The following PCNX3 variants were observed in gnomAD, a reference collection of about 807,000 sequenced individuals.
PCNX3 encodes pecanex-like protein 3.
PCNX3 carries 58 observed loss-of-function variants against 207.2 expected under a neutral mutation model. The observed-to-expected ratio is 0.28, with a 90% CI of 0.23 to 0.35. The LOEUF (loss-of-function observed/expected upper bound fraction) is 0.35. Ranked by LOEUF, PCNX3 falls within the 10% of genes least tolerant of loss-of-function variation. The pLI, the probability that PCNX3 is intolerant of heterozygous loss-of-function variation, is 1.00. For missense variants in PCNX3, 2,410 were observed against 2,774.4 expected (o/e 0.87, Z 2.95); for synonymous variants, 1,337 against 1,183.5 (o/e 1.13, Z -2.66).
In PCNX3 at chr11:65,633,665, A is replaced by T. The variant is rs183284439; in HGVS notation, c.4471-461A>T. Among the ~76,000 whole-genome samples, 113 of 152,298 alleles carry T rather than the reference A, an allele frequency of 7.4e-4. 2 individuals are homozygous for T. The highest frequency in any genetic ancestry group is 7.3e-3 in the Admixed American group (111 of 15,284). On this transcript the variant is annotated intron_variant, in intron 27 of 34. Transcript: ENST00000355703. Reference sequence around the variant, plus strand: ...GGCACTGAAGGTTCACCTGAGGGCCACACCATAGTGTCGGGGCCAGCCAGA... The same window carrying T: ...GGCACTGAAGGTTCACCTGAGGGCCTCACCATAGTGTCGGGGCCAGCCAGA...
At chr11:65,624,732 C>A (rs1855291544) in intron 15 of PCNX3, among the ~76,000 whole-genome samples, 151 bp downstream of exon 15, 1 of 152,234 alleles carries the variant, frequency 6.6e-6, no homozygotes, top group Non-Finnish European at 1.5e-5. Flanking sequence ...TCCTTCCCTC[C>A]CCAGGCAAGT....
chr11:65,625,383 C>T lies in PCNX3; in HGVS notation c.3030-22C>T, dbSNP rs750908857. 8.7e-6 allele frequency: 14 copies of T among 1,600,130 alleles called. No individual in the cohort carries two copies. Among genetic ancestry groups the T allele is most frequent in the Non-Finnish European group, 1.2e-5 (14 of 1,176,944 alleles). On this transcript the variant is annotated intron_variant, in intron 17 of 34. Coordinates refer to ENST00000355703, the MANE Select transcript of PCNX3 (RefSeq NM_032223.4). The surrounding 1 kb of genome is among the most constrained non-coding windows in gnomAD (Gnocchi z 5.6). ...CGGGGGGAAGGAGGGGCGGCCTCCT[C>T]CTGACTCTTCCTCACCCCCAGGTCT...
chr11:65,624,725 T>G (rs1276302152), intron 15 of PCNX3, 144 bp downstream of exon 15: 3 of 931,966 alleles, frequency 3.2e-6, no homozygotes, highest in East Asian at 2.6e-5. Context: ...TCCCCTCTCC[T>G]TCCCTCCCCA....
At position 65,618,893 on chromosome 11, in the gene PCNX3, G is replaced by A. The variant is rs777716214; in HGVS notation, c.1531G>A (p.Gly511Ser). 7 of 1,609,976 alleles carry A rather than the reference G, an allele frequency of 4.3e-6. No homozygotes were observed. The highest frequency in any genetic ancestry group is 5.9e-6 in the Non-Finnish European group (7 of 1,178,912). Reference sequence around the variant, plus strand: ...TGTGCTGAGCATGGATGGGGCTGGGGGTGATGTTCTGAGGCCCCCACTGGC... The same window carrying A: ...TGTGCTGAGCATGGATGGGGCTGGGAGTGATGTTCTGAGGCCCCCACTGGC... ...ARVLSMDGAG[G>S]DVLRPPLAGC... is the part of the protein sequence containing the mutation. Residue 511 changes from glycine to serine, a missense_variant, in exon 6 of 35, where the codon GGT (glycine) becomes AGT (serine). By Grantham distance (56) the Gly-to-Ser change is moderately conservative. Transcript: ENST00000355703.
chr11:65,616,827 C>G lies in PCNX3; in HGVS notation c.157C>G (p.Leu53Val). 1 of 1,610,300 alleles carries G rather than the reference C, an allele frequency of 6.2e-7. No homozygotes were observed. The highest frequency in any genetic ancestry group is 8.5e-7 in the Non-Finnish European group (1 of 1,177,110). The change falls in exon 2 of 35, where the codon CTG becomes GTG. Residue 53 changes from leucine to valine, a missense_variant. Leu to Val is a conservative substitution (Grantham distance 32). This residue lies in a region of PCNX3 where 1,104 missense variants were observed against 970.3 expected (regional missense o/e 1.14). Coordinates refer to ENST00000355703, the MANE Select transcript of PCNX3 (RefSeq NM_032223.4). ...LIFPFLLYMV[L>V]PPSLMVAGVY... ...CCTGGCTTACTTTCATCTTCAGGTC[C>G]TGCCTCCCAGCTTGATGGTGGCCGG... is the stretch of plus-strand genomic sequence containing the variant.
chr11:65,617,445 C>G (rs1476103815), intron 3 of PCNX3, 25 bp from the exon 4 acceptor site: 2 of 1,613,886 alleles, frequency 1.2e-6, no homozygotes. Context: ...CTTGTTTGTT[C>G]CTTCATGGCT....
At position 65,629,502 on chromosome 11, in the gene PCNX3, G is replaced by A. The variant is rs780821835; in HGVS notation, c.4001-18G>A. On this transcript the variant is annotated intron_variant, in intron 25 of 34. Transcript: ENST00000355703. ...AACTTGTCACTTTGTCCATTTGCCCGTCTGTTCTGGGTCTTAGGCGCTGAT... is the reference window on the plus strand; with the variant it reads ...AACTTGTCACTTTGTCCATTTGCCCATCTGTTCTGGGTCTTAGGCGCTGAT... 66 of 1,613,058 alleles carry A rather than the reference G, an allele frequency of 4.1e-5. No individual in the cohort carries two copies. Among genetic ancestry groups the A allele is most frequent in the Admixed American group, 8.3e-5 (5 of 59,914 alleles).
In PCNX3 at chr11:65,619,025, G is replaced by C. The variant is rs1452950814; in HGVS notation, c.1663G>C (p.Gly555Arg). 6.3e-7 allele frequency: 1 copy of C among 1,594,368 alleles called. No individual in the cohort carries two copies. Among genetic ancestry groups the C allele is most frequent in the Admixed American group, 1.7e-5 (1 of 59,378 alleles). ...ARRGPAANQP[G>R]WRGELQEEGA... ...AAGGGGACCCGCTGCCAACCAGCCC[G>C]GCTGGCGGGGGGAGCTGCAGGAGGA... is the stretch of plus-strand genomic sequence containing the variant. The change falls in exon 6 of 35, where the codon GGC becomes CGC. Residue 555 changes from glycine to arginine, a missense_variant. Transcript: ENST00000355703.
At position 65,635,885 on chromosome 11, in the gene PCNX3, C is replaced by G. The variant is rs1169995951; in HGVS notation, c.5459+82C>G. The G allele has an allele frequency of 6.8e-7, 1 of 1,475,802 alleles. No homozygotes were observed. The highest frequency in any genetic ancestry group is 1.4e-5 in the African/African-American group (1 of 71,694). 91.4% of individuals were successfully genotyped at this position (1,475,802 alleles called of 1,614,324 possible). A position where few individuals can be genotyped will look rare whatever the true frequency, so the allele number is the denominator to read the frequency against. On this transcript the variant is annotated intron_variant, in intron 32 of 34. Transcript: ENST00000355703. The surrounding 1 kb of genome is among the most constrained non-coding windows in gnomAD (Gnocchi z 9.9). ...TCCCTCCTGGGTCTCAGAGGGAGGA[C>G]GTGCTGGAGCCAGGGCTTGAATCCC...
At chr11:65,619,970 C>T (rs748208718) in intron 8 of PCNX3, 38 bp downstream of exon 8, 18 of 1,555,408 alleles carry the variant, frequency 1.2e-5, no homozygotes, top group South Asian at 2.4e-5. Context: ...AGTGCCTCCC[C>T]GCCTTCCCCC....
Position 65,616,833 on chromosome 11 carries a change from C to G in PCNX3, c.163C>G (p.Pro55Ala), listed in dbSNP as rs1854759180. 6.2e-7 allele frequency: 1 copy of G among 1,611,304 alleles called. No homozygotes were observed. Among genetic ancestry groups the G allele is most frequent in the Admixed American group, 1.7e-5 (1 of 59,946 alleles). The change falls in exon 2 of 35, where the codon CCC becomes GCC. Residue 55 changes from proline (P) to alanine (A), a missense_variant. Pro to Ala is a conservative substitution (Grantham distance 27). This residue lies in a region of PCNX3 where 1,104 missense variants were observed against 970.3 expected (regional missense o/e 1.14). Transcript: ENST00000355703. ...TTACTTTCATCTTCAGGTCCTGCCT[C>G]CCAGCTTGATGGTGGCCGGCGTGTA... ...FPFLLYMVLP[P>A]SLMVAGVYCL...
Position 65,618,670 on chromosome 11 carries a change from C to T in PCNX3, c.1308C>T (p.Leu436=). ...GTGAACTGAGCCCGGCCTCCAGTCT[C>T]CGATCGCAGCGCCGCTACAGTACTG... ...EGSELSPASS[L]RSQRRYSTDS... is the part of the protein sequence containing the mutation. The change falls in exon 6 of 35, where the codon CTC becomes CTT. Residue 436 remains leucine (L), a synonymous_variant. Transcript: ENST00000355703. 9 of 1,613,338 alleles carry T rather than the reference C, an allele frequency of 5.6e-6. No homozygotes were observed. The highest frequency in any genetic ancestry group is 7.6e-6 in the Non-Finnish European group (9 of 1,179,852).
At chr11:65,623,017 G>A (rs1018592932) in intron 11 of PCNX3, among the ~76,000 whole-genome samples, 1 of 151,910 alleles carries the variant, frequency 6.6e-6, no homozygotes, top group Admixed American at 6.6e-5. Flanking sequence ...GGGACACAGA[G>A]TCCCAGAAAA....
Position 65,636,997 on chromosome 11 carries a change from G to T in PCNX3, c.*19G>T. ...GTACTGAGCTACCTGGCGCCCACTGGACCACCTCCTAGGATTCAGTAACGG... is the reference window on the plus strand; with the variant it reads ...GTACTGAGCTACCTGGCGCCCACTGTACCACCTCCTAGGATTCAGTAACGG... On this transcript the variant is annotated 3_prime_UTR_variant, in exon 35 of 35. Coordinates refer to ENST00000355703, the MANE Select transcript of PCNX3 (RefSeq NM_032223.4). The T allele has an allele frequency of 6.4e-7, 1 of 1,557,352 alleles. No individual in the cohort carries two copies. Among genetic ancestry groups the T allele is most frequent in the Non-Finnish European group, 8.7e-7 (1 of 1,154,820 alleles).
In PCNX3 at chr11:65,618,132, C is replaced by A; in HGVS notation, c.770C>A (p.Thr257Asn). 2.5e-6 allele frequency: 4 copies of A among 1,610,634 alleles called. No homozygotes were observed. The highest frequency in any genetic ancestry group is 3.4e-6 in the Non-Finnish European group (4 of 1,178,482). The change falls in exon 6 of 35, where the codon ACC becomes AAC. Residue 257 changes from threonine (T) to asparagine (N), a missense_variant. Thr to Asn is a moderately conservative substitution (Grantham distance 65). This residue lies in a region of PCNX3 where 1,104 missense variants were observed against 970.3 expected (regional missense o/e 1.14). Coordinates refer to ENST00000355703, the MANE Select transcript of PCNX3 (RefSeq NM_032223.4). Reference protein sequence around the residue: ...QELSKSFLTLTQPDRALVRTS... With the variant: ...QELSKSFLTLNQPDRALVRTS... ...CTGAGCAAGAGCTTCCTGACCCTGA[C>A]CCAGCCTGACCGGGCCCTGGTGAGG...
At chr11:65,617,188 G>C in intron 2 of PCNX3, 62 bp from the exon 3 acceptor site, 1 of 1,476,444 alleles carries the variant, frequency 6.8e-7, no homozygotes, top group Non-Finnish European at 9.2e-7. Context: ...GACAAAGATG[G>C]GAGGAAGTAG....
intron 24 of PCNX3, 76 bp downstream of exon 24, chr11:65,629,024 C>A: frequency 6.4e-7 from 1 of 1,565,606 alleles, no homozygotes; most frequent in Admixed American, 1.8e-5. Flanking sequence ...TGGAGGCCAC[C>A]CACAGAGGGG....
chr11:65,619,982 A>C, intron 8 of PCNX3, 50 bp downstream of exon 8: 1 of 1,529,366 alleles, frequency 6.5e-7, no homozygotes, highest in Non-Finnish European at 8.9e-7. Context: ...CCTTCCCCCA[A>C]CAGCCTGAGT....
rs146189026 is a variant in PCNX3 at position 65,629,207 on chromosome 11, T to G, written c.3942-150T>G. 406 of 950,796 alleles carry G rather than the reference T, an allele frequency of 4.3e-4. 2 individuals are homozygous for G. In the African/African-American group the frequency reaches 5.3e-3, roughly 12 times the overall value. The allele number at this position is 950,796 out of a possible 1,614,324, so 58.9% of individuals were successfully genotyped here. A position where few individuals can be genotyped will look rare whatever the true frequency, so the allele number is the denominator to read the frequency against. The stretch of plus-strand genomic sequence containing the variant: ...TGGCTGTGTGTCCTGTGTGAGTCCC[T>G]TCATGTACCTGAGCCTCAGTCTCCT... On this transcript the variant is annotated intron_variant, in intron 24 of 34. Coordinates refer to ENST00000355703, the MANE Select transcript of PCNX3 (RefSeq NM_032223.4).
Sources: gnomAD v4.1 joint callset for allele counts (sites outside exome capture counted in the v4.1 genomes callset) on GRCh38, gnomAD v4.1.1 for gene constraint, gnomAD v4.1.1 regional missense constraint, Gnocchi (gnomAD v3.1) non-coding constraint, MANE v1.5 for transcripts, NCBI Gene and HGNC (gene_info 2026-07-23, HGNC 2026-07-21) for gene names.